FSTL4: variants seen among roughly 807,000 people sequenced by gnomAD.
The protein encoded by FSTL4 is follistatin-related protein 4.
A neutral mutation model predicts 78.2 loss-of-function variants in FSTL4; 28 were observed. The observed-to-expected ratio is 0.36, with a 90% confidence interval of 0.27 to 0.49. The LOEUF (loss-of-function observed/expected upper bound fraction) is 0.49, where lower values mean the gene tolerates loss of function less well. Among genes scored for constraint, FSTL4 ranks in the 20% least tolerant of loss-of-function variants. The probability of loss-of-function intolerance (pLI) is 0.98; values close to 1 mark genes in which losing one functional copy is unlikely to be tolerated. For synonymous variants in FSTL4, 422 were observed against 440.5 expected, an observed-to-expected ratio of 0.96 and a Z score of 0.53; for missense variants, 922 against 1,084.9, an observed-to-expected ratio of 0.85 and a Z score of 2.11.
At chr5:133,328,053 C>T (rs1754257587) in intron 4 of FSTL4, among the ~76,000 whole-genome samples, 1 of 152,206 alleles carries the variant, frequency 6.6e-6, no homozygotes, top group African/African-American at 2.4e-5. Context: ...GTTGAAGGTA[C>T]AAGGCTCACT....
chr5:133,736,200 A>G, the FSTL4 span, among the ~76,000 whole-genome samples: 1 of 152,256 alleles, frequency 6.6e-6, no homozygotes, highest in African/African-American at 2.4e-5. Context: ...TGTATTCCAG[A>G]AAAACCTTTC....
chr5:133,401,762 A>G (rs1756230467), intron 3 of FSTL4, among the ~76,000 whole-genome samples: 1 of 152,130 alleles, frequency 6.6e-6, no homozygotes, highest in Non-Finnish European at 1.5e-5. Context: ...TTTCCCAGAA[A>G]CACAGCAGGC....
chr5:133,307,113 TCA>T (rs1439501577), intron 6 of FSTL4, among the ~76,000 whole-genome samples: 2 of 152,178 alleles, frequency 1.3e-5, no homozygotes, highest in African/African-American at 2.4e-5. Context: ...CTGTCCAAAG[TCA>T]CACAGTTAGT....
At chr5:133,761,187 A>G in the FSTL4 span, among the ~76,000 whole-genome samples, 1 of 152,228 alleles carries the variant, frequency 6.6e-6, no homozygotes, top group Non-Finnish European at 1.5e-5. Context: ...AATAGAAAAT[A>G]CTATTTGCTC....
intron 3 of FSTL4, among the ~76,000 whole-genome samples, chr5:133,564,055 A>T (rs1383064817): frequency 3.3e-5 from 5 of 152,108 alleles, no homozygotes; most frequent in Non-Finnish European, 7.4e-5. Context: ...GGTTCTAGGG[A>T]TGGAGGGTCC....
At chr5:133,597,577 T>C (rs1760763911) in intron 2 of FSTL4, among the ~76,000 whole-genome samples, 3 of 152,254 alleles carry the variant, frequency 2.0e-5, no homozygotes, top group African/African-American at 7.2e-5. Context: ...ATGCTCATTT[T>C]CCTGGGTCAC....
At chr5:133,269,851 CTG>C (rs2126845761) in intron 6 of FSTL4, among the ~76,000 whole-genome samples, 1 of 152,372 alleles carries the variant, frequency 6.6e-6, no homozygotes, top group South Asian at 2.1e-4. Context: ...TTGGTGAACA[CTG>C]TGCTTGTAAA....
At position 133,606,933 on chromosome 5, in the gene FSTL4, C is replaced by A. The variant is rs542141972; in HGVS notation, c.-10-2940G>T. Among the ~76,000 whole-genome samples, 4 of 152,324 alleles carry A rather than the reference C, an allele frequency of 2.6e-5. No homozygotes were observed. In the East Asian group the frequency reaches 7.7e-4, roughly 29 times the overall value. On this transcript the variant is annotated intron_variant, in intron 1 of 15. Transcript: ENST00000265342. Reference sequence around the variant, plus strand: ...CCAAATCAGTTCATAAGAGGATGCACCAAGACTGCTGGTTTCTGGGTTGTG... The same window carrying A: ...CCAAATCAGTTCATAAGAGGATGCAACAAGACTGCTGGTTTCTGGGTTGTG...
chr5:133,296,886 C>T (rs921295886), intron 6 of FSTL4, among the ~76,000 whole-genome samples: 6 of 152,160 alleles, frequency 3.9e-5, no homozygotes, highest in East Asian at 3.9e-4. Context: ...TGTGAATGAC[C>T]GCACACTGCC....
intron 3 of FSTL4, among the ~76,000 whole-genome samples, chr5:133,536,431 T>A (rs1471954810): frequency 3.9e-5 from 6 of 152,222 alleles, no homozygotes; most frequent in Admixed American, 3.3e-4. Context: ...TTGTTTTAAA[T>A]ATTTGTTTAG....
chr5:133,321,206 C>T (rs528262448), intron 4 of FSTL4, among the ~76,000 whole-genome samples: 8 of 152,244 alleles, frequency 5.3e-5, no homozygotes, highest in Middle Eastern at 3.4e-3. Context: ...TGCTCCTGCC[C>T]AGGGGCCTGG....
chr5:133,538,504 A>G (rs1027341191), intron 3 of FSTL4, among the ~76,000 whole-genome samples: 23 of 152,034 alleles, frequency 1.5e-4, no homozygotes, highest in African/African-American at 5.3e-4. Context: ...AGAATATGTA[A>G]ATATTCTGTT....
At chr5:133,529,332 TG>T (rs1759202652) in intron 3 of FSTL4, among the ~76,000 whole-genome samples, 1 of 152,168 alleles carries the variant, frequency 6.6e-6, no homozygotes, top group African/African-American at 2.4e-5. Context: ...CATGACTCTG[TG>T]GGGAACTAGC....
chr5:133,815,877 AG>A, the FSTL4 span, among the ~76,000 whole-genome samples: 1 of 152,228 alleles, frequency 6.6e-6, no homozygotes, highest in Admixed American at 6.5e-5. Context: ...AAGGAAGTCC[AG>A]ATTCCCGTAG....
chr5:133,249,678 A>C (rs998621981), intron 6 of FSTL4, 102 bp from the exon 7 acceptor site: 10 of 848,954 alleles, frequency 1.2e-5, no homozygotes, highest in African/African-American at 1.2e-4. Context: ...AGAGGCCCAG[A>C]AGGGCTTCAC....
At chr5:133,529,551 AT>A (rs1759207599) in intron 3 of FSTL4, among the ~76,000 whole-genome samples, 1 of 152,184 alleles carries the variant, frequency 6.6e-6, no homozygotes, top group Non-Finnish European at 1.5e-5. Flanking sequence ...ATAAATTTTA[AT>A]TTATTGAATT....
Position 133,265,639 on chromosome 5 carries a change from G to C in FSTL4, c.728-16063C>G, listed in dbSNP as rs114498222. On this transcript the variant is annotated intron_variant, in intron 6 of 15. Transcript: ENST00000265342. Reference sequence around the variant, plus strand: ...CCTTTGACAAATTTGCCATGTGGTGGGTTGGGTTTTGGAGAATTGGCCTGT... The same window carrying C: ...CCTTTGACAAATTTGCCATGTGGTGCGTTGGGTTTTGGAGAATTGGCCTGT... Among the ~76,000 whole-genome samples the C allele has an allele frequency of 3.9e-3, 587 of 152,348 alleles. 7 individuals carry two copies. The highest frequency in any genetic ancestry group is 0.014 in the African/African-American group (566 of 41,580).
At chr5:133,817,316 A>C in the FSTL4 span, among the ~76,000 whole-genome samples, 1 of 152,184 alleles carries the variant, frequency 6.6e-6, no homozygotes, top group Non-Finnish European at 1.5e-5. Context: ...ACTTGTTATA[A>C]CTAATGGGAG....
the FSTL4 span, among the ~76,000 whole-genome samples, chr5:133,694,741 C>T: frequency 1.3e-5 from 2 of 152,186 alleles, no homozygotes; most frequent in African/African-American, 4.8e-5. Flanking sequence ...TCTCATGGTT[C>T]CGGAGGCTGC....
Sources: gnomAD v4.1 joint callset for allele counts (sites outside exome capture counted in the v4.1 genomes callset) on GRCh38, gnomAD v4.1.1 for gene constraint, MANE v1.5 for transcripts, NCBI Gene and HGNC (gene_info 2026-07-23, HGNC 2026-07-21) for gene names.